EBF1: variants seen among roughly 807,000 people sequenced by gnomAD.
The protein encoded by EBF1 is EBF transcription factor 1, also known as transcription factor COE1.
A neutral mutation model predicts 68.4 loss-of-function variants in EBF1; 10 were observed. That is an observed-to-expected ratio of 0.15 (90% CI 0.09 to 0.25). The LOEUF is 0.25. Ranked by LOEUF, EBF1 falls within the 10% of genes least tolerant of loss-of-function variation. The probability of loss-of-function intolerance (pLI) is 1.00; values close to 1 mark genes in which losing one functional copy is unlikely to be tolerated. For synonymous variants in EBF1, 298 were observed against 299.8 expected, an observed-to-expected ratio of 0.99 and a Z score of 0.06; for missense variants, 509 against 794.4, an observed-to-expected ratio of 0.64 and a Z score of 4.32.
intron 6 of EBF1, among the ~76,000 whole-genome samples, chr5:159,040,527 A>C (rs1289696468): frequency 6.6e-6 from 1 of 152,190 alleles, no homozygotes; most frequent in Non-Finnish European, 1.5e-5. Context: ...GTCCACCCTC[A>C]GTGCCCTTGG....
At chr5:158,771,453 A>G (rs977094015) in intron 10 of EBF1, among the ~76,000 whole-genome samples, 2 of 152,146 alleles carry the variant, frequency 1.3e-5, no homozygotes, top group African/African-American at 4.8e-5. Context: ...AACAGCTCTT[A>G]TTTACATTCC....
rs1240478216 is a variant in EBF1 at position 159,080,817 on chromosome 5, T to C, written c.485+3849A>G. On this transcript the variant is annotated intron_variant, in intron 5 of 15. Transcript: ENST00000313708. ...TGAAGACAGAGGAACACCCAGTAAC[T>C]TCCTTGCCTTCAAAAAGCAATCAGT... Among the ~76,000 whole-genome samples the C allele has an allele frequency of 5.3e-5, 8 of 152,296 alleles. No homozygotes were observed. The South Asian group carries it at 8.3e-4, about 16-fold the overall frequency.
chr5:158,821,132 C>A (rs1010197803), intron 8 of EBF1, among the ~76,000 whole-genome samples: 2 of 152,026 alleles, frequency 1.3e-5, no homozygotes, highest in Non-Finnish European at 2.9e-5. Context: ...TACCTGCCCC[C>A]ACCCAAAGCA....
At chr5:158,904,074 C>T (rs1299912319) in intron 6 of EBF1, among the ~76,000 whole-genome samples, 2 of 152,118 alleles carry the variant, frequency 1.3e-5, no homozygotes, top group Admixed American at 1.3e-4. Context: ...GGCCCTGACT[C>T]CAATTCACAT....
At chr5:158,884,300 G>A (rs556527990) in intron 6 of EBF1, among the ~76,000 whole-genome samples, 1 of 152,194 alleles carries the variant, frequency 6.6e-6, no homozygotes, top group South Asian at 2.1e-4. Context: ...AGAGATCTCG[G>A]TTTATTCCTG....
chr5:159,037,514 G>A (rs1770305142), intron 6 of EBF1, among the ~76,000 whole-genome samples: 5 of 111,608 alleles, frequency 4.5e-5, no homozygotes, highest in Admixed American at 1.8e-4. Flanking sequence ...TAGGGACATG[G>A]ATGAAATTGG....
rs1806058768 is a variant in EBF1, at chr5:158,911,881, T to G, written c.555-71771A>C. Among the ~76,000 whole-genome samples the G allele has an allele frequency of 2.0e-5, 3 of 152,212 alleles. No homozygotes were observed. The South Asian group carries it at 6.2e-4, about 32-fold the overall frequency. On this transcript the variant is annotated intron_variant, in intron 6 of 15. Coordinates refer to ENST00000313708, the MANE Select transcript of EBF1 (RefSeq NM_024007.5). ...ATCCCATTGTTATCCAATTTATTCT[T>G]CTCTGACATGGTATGAAGTGGTTCT...
intron 6 of EBF1, among the ~76,000 whole-genome samples, chr5:158,871,526 G>A (rs1485039025): frequency 6.6e-6 from 1 of 152,178 alleles, no homozygotes; most frequent in Non-Finnish European, 1.5e-5. Flanking sequence ...ATGGTCACAT[G>A]TCTAGGGAGG....
chr5:158,839,084 A>T (rs1582415605), intron 7 of EBF1, among the ~76,000 whole-genome samples: 1 of 152,332 alleles, frequency 6.6e-6, no homozygotes, highest in Middle Eastern at 3.4e-3. Context: ...GTCTAGACTC[A>T]ACAACCTTTT....
At chr5:159,069,593 T>C (rs2127928242) in intron 6 of EBF1, among the ~76,000 whole-genome samples, 1 of 152,266 alleles carries the variant, frequency 6.6e-6, no homozygotes, top group Middle Eastern at 3.4e-3. Context: ...GCATACTTAA[T>C]ATATTCAGTT....
At chr5:158,837,381 CA>C (rs1789042880) in intron 7 of EBF1, among the ~76,000 whole-genome samples, 1 of 152,104 alleles carries the variant, frequency 6.6e-6, no homozygotes, top group Admixed American at 6.5e-5. Context: ...GGATTTTCTC[CA>C]AAGGCTTGCA....
chr5:159,046,447 G>T (rs546592847), intron 6 of EBF1, among the ~76,000 whole-genome samples: 1 of 152,168 alleles, frequency 6.6e-6, no homozygotes, highest in South Asian at 2.1e-4. Context: ...TAACATAAGC[G>T]GAATGTGTAA....
intron 14 of EBF1, among the ~76,000 whole-genome samples, chr5:158,711,660 G>T (rs1430067936): frequency 1.3e-5 from 2 of 151,296 alleles, no homozygotes; most frequent in East Asian, 2.0e-4. Flanking sequence ...TGTTTATGGG[G>T]GTTTTTTTGT....
intron 6 of EBF1, among the ~76,000 whole-genome samples, chr5:158,896,429 T>A (rs1477418224): frequency 1.3e-5 from 2 of 152,194 alleles, no homozygotes; most frequent in Admixed American, 6.5e-5. Flanking sequence ...ATAATAGTAA[T>A]CGCTACCATT....
intron 6 of EBF1, among the ~76,000 whole-genome samples, chr5:158,866,164 C>T (rs1795830276): frequency 6.6e-6 from 1 of 152,228 alleles, no homozygotes; most frequent in Non-Finnish European, 1.5e-5. Flanking sequence ...TTCCCAGAGG[C>T]CATCCTAGGC....
intron 6 of EBF1, among the ~76,000 whole-genome samples, chr5:158,881,197 G>A (rs922182847): frequency 5.9e-5 from 9 of 152,012 alleles, no homozygotes; most frequent in Non-Finnish European, 1.3e-4. Context: ...AGAGCCACTC[G>A]CGTTCAGGCA....
At chr5:158,881,165 TAGC>T (rs1438566449) in intron 6 of EBF1, among the ~76,000 whole-genome samples, 1 of 152,184 alleles carries the variant, frequency 6.6e-6, no homozygotes, top group Non-Finnish European at 1.5e-5. Flanking sequence ...CGGTAATTGA[TAGC>T]AGAGAAGTGT....
At chr5:159,005,110 T>C (rs10066782) in intron 6 of EBF1, among the ~76,000 whole-genome samples, 9,469 of 152,264 alleles carry the variant, frequency 0.062, 595 homozygotes, top group African/African-American at 0.16. Flanking sequence ...CTGCCGGGGC[T>C]AGACCTTGAC....
At chr5:158,897,275 T>C (rs553103414) in intron 6 of EBF1, among the ~76,000 whole-genome samples, 3 of 152,190 alleles carry the variant, frequency 2.0e-5, no homozygotes, top group Non-Finnish European at 4.4e-5. Flanking sequence ...GGGACATGGA[T>C]GGAGCTGGAG....
Sources: gnomAD v4.1 joint callset for allele counts (sites outside exome capture counted in the v4.1 genomes callset) on GRCh38, gnomAD v4.1.1 for gene constraint, MANE v1.5 for transcripts, NCBI Gene and HGNC (gene_info 2026-07-23, HGNC 2026-07-21) for gene names.